The following TNIP3 variants were observed in gnomAD, a reference collection of about 807,000 sequenced individuals.
TNIP3 encodes TNFAIP3-interacting protein 3.
TNIP3 carries 34 observed loss-of-function variants against 54.1 expected under a neutral mutation model. The ratio of observed to expected loss-of-function variants is 0.63; its 90% CI spans 0.48 to 0.84. The LOEUF (loss-of-function observed/expected upper bound fraction) is 0.84. Ranked by LOEUF, TNIP3 falls within the 40% of genes least tolerant of loss-of-function variation. The pLI, the probability that TNIP3 is intolerant of heterozygous loss-of-function variation, is 0.00. For synonymous variants in TNIP3, 134 were observed against 136.8 expected, an observed-to-expected ratio of 0.98 and a Z score of 0.14; for missense variants, 366 against 387.6, an observed-to-expected ratio of 0.94 and a Z score of 0.47.
chr4:121,170,130 T>C lies in TNIP3; in HGVS notation c.190-5984A>G, dbSNP rs777121423. Among the ~76,000 whole-genome samples the C allele has an allele frequency of 1.1e-4, 17 of 152,356 alleles. No homozygotes were observed. The South Asian group carries it at 3.5e-3, about 32-fold the overall frequency. Reference sequence around the variant, plus strand: ...AGCTACTTCCTTCTTTATGATCTCATGGTGCTTTGTGAAGCATCAACTCTA... The same window carrying C: ...AGCTACTTCCTTCTTTATGATCTCACGGTGCTTTGTGAAGCATCAACTCTA... On this transcript the variant is annotated intron_variant, in intron 3 of 12. Coordinates refer to the TNIP3 transcript ENST00000507879.
intron 2 of TNIP3, among the ~76,000 whole-genome samples, chr4:121,214,037 A>T (rs1457940859): frequency 6.6e-6 from 1 of 152,210 alleles, no homozygotes; most frequent in Non-Finnish European, 1.5e-5. Context: ...TGTGGCAACC[A>T]TAATATCAAT....
At chr4:121,173,180 A>G (rs1281863473) in intron 3 of TNIP3, among the ~76,000 whole-genome samples, 3 of 152,148 alleles carry the variant, frequency 2.0e-5, no homozygotes, top group Non-Finnish European at 4.4e-5. Context: ...GTAGCAGGAG[A>G]CATCATTTAC....
At chr4:121,208,003 G>T (rs756988816) in intron 2 of TNIP3, among the ~76,000 whole-genome samples, 1 of 152,134 alleles carries the variant, frequency 6.6e-6, no homozygotes, top group Non-Finnish European at 1.5e-5. Flanking sequence ...GGTTTTATCA[G>T]GGGTTTCCGC....
chr4:121,226,239 AAGAGAG>A (rs541995255), intron 1 of TNIP3, among the ~76,000 whole-genome samples: 3 of 150,040 alleles, frequency 2.0e-5, no homozygotes, highest in Non-Finnish European at 4.5e-5. Flanking sequence ...ACACATAGGA[AAGAGAG>A]AGAGAGAGAG....
At chr4:121,150,793 AT>A (rs1224420787) in intron 5 of TNIP3, among the ~76,000 whole-genome samples, 1 of 152,210 alleles carries the variant, frequency 6.6e-6, no homozygotes, top group Non-Finnish European at 1.5e-5. Context: ...GCCCATGCAG[AT>A]TCATTATCTG....
At chr4:121,133,139 A>C (rs1291745065) in intron 10 of TNIP3, among the ~76,000 whole-genome samples, 1 of 152,220 alleles carries the variant, frequency 6.6e-6, no homozygotes, top group Middle Eastern at 3.2e-3. Flanking sequence ...AAAAATCTGG[A>C]ATATTTTGAT....
intron 3 of TNIP3, among the ~76,000 whole-genome samples, chr4:121,182,229 C>G (rs1724755393): frequency 6.6e-6 from 1 of 151,998 alleles, no homozygotes; most frequent in African/African-American, 2.4e-5. Context: ...AGTGGAAGTT[C>G]AAAGTCAAAC....
At chr4:121,160,594 G>A (rs1165908594) in intron 2 of TNIP3, among the ~76,000 whole-genome samples, 3 of 152,084 alleles carry the variant, frequency 2.0e-5, no homozygotes, top group African/African-American at 7.2e-5. Context: ...ATTAAGCTCA[G>A]AAAAATAAAA....
At chr4:121,199,280 G>T (rs1725756916) in intron 2 of TNIP3, among the ~76,000 whole-genome samples, 1 of 152,208 alleles carries the variant, frequency 6.6e-6, no homozygotes, top group Admixed American at 6.5e-5. Context: ...CTGGGAAACT[G>T]TTAGTAAAAT....
chr4:121,178,752 T>C (rs1009283085), intron 3 of TNIP3, among the ~76,000 whole-genome samples: 1 of 152,238 alleles, frequency 6.6e-6, no homozygotes, highest in Non-Finnish European at 1.5e-5. Flanking sequence ...TCGATGTATA[T>C]TCAGTGTTAC....
intron 2 of TNIP3, among the ~76,000 whole-genome samples, chr4:121,209,746 C>A (rs1453530080): frequency 6.6e-6 from 1 of 152,008 alleles, no homozygotes; most frequent in African/African-American, 2.4e-5. Flanking sequence ...AGATAAATAT[C>A]AATTATATTA....
At position 121,203,012 on chromosome 4, in the gene TNIP3, G is replaced by A. The variant is rs555828592; in HGVS notation, c.68+13403C>T. 2.6e-5 allele frequency among the ~76,000 whole-genome samples: 4 copies of A among 152,206 alleles called. No individual in the cohort carries two copies. In the East Asian group the frequency reaches 7.7e-4, roughly 29 times the overall value. On this transcript the variant is annotated intron_variant, in intron 2 of 12. Transcript: ENST00000507879. ...ACTACTACAACCACTATGGAAAACAGTGTGAATATTCCTTAAAGAATTAAA... is the reference window on the plus strand; with the variant it reads ...ACTACTACAACCACTATGGAAAACAATGTGAATATTCCTTAAAGAATTAAA...
intron 2 of TNIP3, among the ~76,000 whole-genome samples, chr4:121,215,718 C>G (rs751126120): frequency 6.6e-6 from 1 of 152,028 alleles, no homozygotes; most frequent in African/African-American, 2.4e-5. Flanking sequence ...AACAGTTTAT[C>G]TGTGCCTCTT....
chr4:121,149,709 T>A (rs1250077143), intron 6 of TNIP3, among the ~76,000 whole-genome samples: 2 of 152,188 alleles, frequency 1.3e-5, no homozygotes, highest in Non-Finnish European at 2.9e-5. Context: ...GAAGTTGCGG[T>A]GAGCGGAGGT....
chr4:121,182,834 G>C (rs1214258712), intron 2 of TNIP3: 1 of 1,531,206 alleles, frequency 6.5e-7, no homozygotes, highest in Non-Finnish European at 8.7e-7. Context: ...ATTATACAAA[G>C]GTAATTAAAA....
At chr4:121,219,460 T>C (rs563870293), upstream of TNIP3, among the ~76,000 whole-genome samples, 3 of 152,336 alleles carry the variant, frequency 2.0e-5, no homozygotes, top group East Asian at 3.9e-4. Context: ...GTGAAGATCA[T>C]AAGCTGTTTG....
intron 2 of TNIP3, among the ~76,000 whole-genome samples, chr4:121,203,606 C>T (rs1189130104): frequency 1.3e-5 from 2 of 152,092 alleles, no homozygotes; most frequent in South Asian, 4.1e-4. Flanking sequence ...TCCCCAAAAA[C>T]CTATTAAAAT....
chr4:121,181,915 A>G (rs1724736833), intron 3 of TNIP3, among the ~76,000 whole-genome samples: 1 of 152,220 alleles, frequency 6.6e-6, no homozygotes, highest in East Asian at 1.9e-4. Context: ...GTTTATCCAT[A>G]TACATTTTCA....
chr4:121,141,786 A>AAGCACTTTTTC, intron 9 of TNIP3, 30 bp downstream of exon 9: 1 of 1,414,732 alleles, frequency 7.1e-7, no homozygotes, highest in African/African-American at 1.5e-5. Context: ...ACAGTATACT[A>AAGCACTTTTTC]AGCACTTTTT....
Sources: gnomAD v4.1 joint callset for allele counts (sites outside exome capture counted in the v4.1 genomes callset) on GRCh38, gnomAD v4.1.1 for gene constraint, MANE v1.5 for transcripts, NCBI Gene and HGNC (gene_info 2026-07-23, HGNC 2026-07-21) for gene names.